GRAMD1B: variants seen among roughly 807,000 people sequenced by gnomAD.
GRAMD1B encodes protein Aster-B.
GRAMD1B carries 37 observed loss-of-function variants against 99.7 expected under a neutral mutation model. That is an observed-to-expected ratio of 0.37 (90% CI 0.29 to 0.49). GRAMD1B has a LOEUF of 0.49. Among genes scored for constraint, GRAMD1B ranks in the 20% least tolerant of loss-of-function variants. GRAMD1B has a pLI of 0.98. For synonymous variants in GRAMD1B, 427 were observed against 387.6 expected, an observed-to-expected ratio of 1.10 and a Z score of -1.19; for missense variants, 888 against 1,009.2, an observed-to-expected ratio of 0.88 and a Z score of 1.63.
intron 1 of GRAMD1B, among the ~76,000 whole-genome samples, chr11:123,448,501 G>A (rs149506703): frequency 5.6e-4 from 85 of 152,350 alleles, no homozygotes; most frequent in Middle Eastern, 3.4e-3. Flanking sequence ...TTACAGGCAT[G>A]AGCCAGCATG....
intron 3 of GRAMD1B, among the ~76,000 whole-genome samples, chr11:123,582,523 C>T (rs544347521): frequency 6.6e-6 from 1 of 152,244 alleles, no homozygotes; most frequent in Admixed American, 6.5e-5. Flanking sequence ...TGGAGAGCAC[C>T]TTGCAGAGGG....
At chr11:123,581,251 G>A (rs1949324323) in intron 3 of GRAMD1B, among the ~76,000 whole-genome samples, 1 of 152,062 alleles carries the variant, frequency 6.6e-6, no homozygotes, top group Admixed American at 6.6e-5. Context: ...TTCCTCTTTG[G>A]CCAAATCCAT....
intron 1 of GRAMD1B, among the ~76,000 whole-genome samples, chr11:123,440,038 C>T (rs777830203): frequency 6.6e-6 from 1 of 152,096 alleles, no homozygotes; most frequent in Non-Finnish European, 1.5e-5. Flanking sequence ...GGATGGTAAC[C>T]CTTGCAATAT....
chr11:123,610,262 G>A lies in GRAMD1B; in HGVS notation c.1843G>A (p.Val615Met), dbSNP rs765331397. 1.9e-6 allele frequency: 3 copies of A among 1,613,650 alleles called. No individual in the cohort carries two copies. The highest frequency in any genetic ancestry group is 1.7e-5 in the Admixed American group (1 of 60,016). Residue 615 changes from valine (V) to methionine (M), a missense_variant, in exon 14 of 20, where the codon GTG becomes ATG. Around this residue, in one of 5 missense-constraint regions of GRAMD1B, gnomAD observed 92 missense variants for 156.9 expected, o/e 0.59. Coordinates refer to ENST00000635736, the MANE Select transcript of GRAMD1B (RefSeq NM_001387025.1). The surrounding 1 kb of genome is among the most constrained non-coding windows in gnomAD (Gnocchi z 4.1). ...AGATGCCGAAGTCCTCACCCACGAC[G>A]TGCCCTACCATGACTACTTCTACAC... is the stretch of plus-strand genomic sequence containing the variant. ...VIDAEVLTHDVPYHDYFYTIN... is the reference protein window; with the variant it reads ...VIDAEVLTHDMPYHDYFYTIN...
At chr11:123,410,936 C>T (rs1179394453) in intron 1 of GRAMD1B, among the ~76,000 whole-genome samples, 1 of 152,086 alleles carries the variant, frequency 6.6e-6, no homozygotes, top group Non-Finnish European at 1.5e-5. Flanking sequence ...TGGATGAAAC[C>T]CCCAAAGTGC....
At chr11:123,380,878 A>G (rs1312821124) in intron 1 of GRAMD1B, among the ~76,000 whole-genome samples, 2 of 152,130 alleles carry the variant, frequency 1.3e-5, no homozygotes, top group Non-Finnish European at 1.5e-5. Flanking sequence ...TTTATGTATC[A>G]GGATAATGAC....
chr11:123,535,240 T>C lies in GRAMD1B; in HGVS notation c.453-42127T>C, dbSNP rs78791845. Among the ~76,000 whole-genome samples the C allele has an allele frequency of 7.5e-3, 1,106 of 147,340 alleles. 16 individuals carry two copies. Among genetic ancestry groups the C allele is most frequent in the African/African-American group, 0.026 (1,063 of 40,130 alleles). On this transcript the variant is annotated intron_variant, in intron 2 of 19. Transcript: ENST00000635736. ...ATGATGCTTCTGTGAGCTTTCCATT[T>C]AAAAAAAAAAAAATCTCATACAACC...
intron 2 of GRAMD1B, among the ~76,000 whole-genome samples, chr11:123,536,514 T>C (rs1452008317): frequency 6.6e-6 from 1 of 152,174 alleles, no homozygotes; most frequent in Non-Finnish European, 1.5e-5. Context: ...TTCAATGAAA[T>C]AATTCGTGTT....
At chr11:123,596,405 A>G (rs977402088) in intron 7 of GRAMD1B, among the ~76,000 whole-genome samples, 6 of 152,262 alleles carry the variant, frequency 3.9e-5, no homozygotes, top group African/African-American at 1.4e-4. Flanking sequence ...AAAATTGTAA[A>G]GCAGTATACA....
intron 17 of GRAMD1B, chr11:123,618,314 C>T: frequency 6.2e-7 from 1 of 1,605,572 alleles, no homozygotes; most frequent in Non-Finnish European, 8.5e-7. Flanking sequence ...ACCTCTGCCT[C>T]CTCCCCATTT....
chr11:123,486,717 AC>A (rs1387751913), intron 2 of GRAMD1B, among the ~76,000 whole-genome samples: 1 of 152,212 alleles, frequency 6.6e-6, no homozygotes, highest in Non-Finnish European at 1.5e-5. Flanking sequence ...TTACAAATAA[AC>A]AAGTATAATA....
intron 2 of GRAMD1B, among the ~76,000 whole-genome samples, chr11:123,538,193 C>T (rs931376888): frequency 1.3e-5 from 2 of 152,124 alleles, no homozygotes; most frequent in African/African-American, 2.4e-5. Context: ...CCTCCTCTCC[C>T]AGTCATTTAT....
intron 2 of GRAMD1B, among the ~76,000 whole-genome samples, chr11:123,548,994 C>T (rs570919129): frequency 5.9e-5 from 9 of 152,194 alleles, no homozygotes; most frequent in African/African-American, 2.2e-4. Flanking sequence ...CCTCCCACCC[C>T]CTCATGGCAG....
intron 15 of GRAMD1B, chr11:123,613,236 A>G: frequency 1.7e-6 from 1 of 580,284 alleles, no homozygotes; most frequent in Admixed American, 3.0e-5. Context: ...GGGTGCAGAT[A>G]TTGGGAACAT....
intron 19 of GRAMD1B, among the ~76,000 whole-genome samples, chr11:123,620,733 AG>A (rs1206406207): frequency 1.3e-5 from 2 of 152,208 alleles, no homozygotes; most frequent in East Asian, 1.9e-4. Context: ...ACACATGTCA[AG>A]GGTTAGACTT....
intron 2 of GRAMD1B, among the ~76,000 whole-genome samples, chr11:123,519,005 C>T (rs1275860276): frequency 6.6e-6 from 1 of 152,202 alleles, no homozygotes; most frequent in Admixed American, 6.5e-5. Context: ...CAGAATGAAG[C>T]ATTCTTGAAG....
At chr11:123,471,183 G>A (rs1462556706) in intron 1 of GRAMD1B, among the ~76,000 whole-genome samples, 2 of 152,156 alleles carry the variant, frequency 1.3e-5, no homozygotes, top group Non-Finnish European at 2.9e-5. Flanking sequence ...TTGAGAATCT[G>A]ATGAAGGCTG....
chr11:123,503,055 T>C (rs1175862112), intron 2 of GRAMD1B, among the ~76,000 whole-genome samples: 1 of 152,062 alleles, frequency 6.6e-6, no homozygotes, highest in Non-Finnish European at 1.5e-5. Flanking sequence ...AGATCAAAAT[T>C]CAAAATGCGA....
intron 1 of GRAMD1B, among the ~76,000 whole-genome samples, chr11:123,468,426 A>G (rs1037496642): frequency 6.6e-6 from 1 of 152,148 alleles, no homozygotes; most frequent in African/African-American, 2.4e-5. Context: ...CAAATAATTT[A>G]TAGTATGGTA....
Sources: allele counts gnomAD v4.1 joint callset (sites outside exome capture counted in the v4.1 genomes callset), GRCh38; gene constraint gnomAD v4.1.1; regional missense constraint gnomAD v4.1.1; non-coding constraint Gnocchi (gnomAD v3.1); transcripts MANE v1.5; gene names NCBI Gene and HGNC (gene_info 2026-07-23, HGNC 2026-07-21).